The following CPQ variants were observed in gnomAD, a reference collection of about 807,000 sequenced individuals.
The protein encoded by CPQ is carboxypeptidase Q.
Under a neutral mutation model 45.7 loss-of-function variants are expected in CPQ, and 37 were observed. The ratio of observed to expected loss-of-function variants is 0.81; its 90% CI spans 0.62 to 1.07. CPQ has a LOEUF of 1.07. Ranked by LOEUF, CPQ falls within the 50% of genes least tolerant of loss-of-function variation. The pLI is 0.00. For missense variants in CPQ, 537 were observed against 572.9 expected (o/e 0.94, Z 0.64); for synonymous variants, 186 against 205.8 (o/e 0.90, Z 0.82).
At chr8:96,812,218 C>A (rs1469717908) in intron 2 of CPQ, among the ~76,000 whole-genome samples, 2 of 152,140 alleles carry the variant, frequency 1.3e-5, no homozygotes, top group Non-Finnish European at 2.9e-5. Context: ...TCAAATAAAA[C>A]CAGCATCATA....
intron 1 of CPQ, among the ~76,000 whole-genome samples, chr8:96,651,498 CATATCTTT>C (rs1373317090): frequency 1.3e-5 from 2 of 152,102 alleles, no homozygotes; most frequent in African/African-American, 4.8e-5. Flanking sequence ...TTTAAAAATG[CATATCTTT>C]AAAACATGTA....
intron 4 of CPQ, among the ~76,000 whole-genome samples, chr8:96,907,548 GTCTCTGCCA>G (rs1469203768): frequency 6.6e-6 from 1 of 152,168 alleles, no homozygotes; most frequent in Admixed American, 6.6e-5. Flanking sequence ...CTAACTAGCA[GTCTCTGCCA>G]TGGGAAGGTA....
intron 5 of CPQ, among the ~76,000 whole-genome samples, chr8:97,005,608 T>G (rs531799302): frequency 2.6e-5 from 4 of 152,240 alleles, no homozygotes; most frequent in African/African-American, 9.6e-5. Context: ...CAACTTCTCC[T>G]ACACTAACAT....
chr8:96,704,186 G>T (rs112957295), intron 1 of CPQ, among the ~76,000 whole-genome samples: 3,647 of 152,116 alleles, frequency 0.024, 160 homozygotes, highest in African/African-American at 0.083. Flanking sequence ...CCTTTGGCCC[G>T]GATTCTGATT....
At position 96,969,290 on chromosome 8, in the gene CPQ, G is replaced by A. The variant is rs144994023; in HGVS notation, c.961+3244G>A. ...TATGTCTTAGAAAAATATTTTATTGGTATGTTTCTTCATTCATTCACTCAA... is the reference window on the plus strand; with the variant it reads ...TATGTCTTAGAAAAATATTTTATTGATATGTTTCTTCATTCATTCACTCAA... On this transcript the variant is annotated intron_variant, in intron 5 of 7. Transcript: ENST00000220763. 4.5e-3 allele frequency among the ~76,000 whole-genome samples: 692 copies of A among 152,274 alleles called. 6 individuals carry two copies. The highest frequency in any genetic ancestry group is 0.016 in the African/African-American group (653 of 41,538).
At chr8:96,680,851 G>GGATGGA (rs1268481224) in intron 1 of CPQ, among the ~76,000 whole-genome samples, 15 of 152,110 alleles carry the variant, frequency 9.9e-5, no homozygotes, top group Admixed American at 2.6e-4. Flanking sequence ...AGGTGGTCTT[G>GGATGGA]GATGGAGATG....
At chr8:97,052,585 C>T (rs1021264947) in intron 6 of CPQ, among the ~76,000 whole-genome samples, 9 of 152,064 alleles carry the variant, frequency 5.9e-5, no homozygotes, top group Non-Finnish European at 7.4e-5. Context: ...TTGCTCATCT[C>T]CTTCTCCTCC....
intron 4 of CPQ, among the ~76,000 whole-genome samples, chr8:96,951,234 A>G (rs1813260106): frequency 6.6e-6 from 1 of 152,032 alleles, no homozygotes. Flanking sequence ...CTCAAATGTG[A>G]TATCAGGAAA....
intron 5 of CPQ, among the ~76,000 whole-genome samples, chr8:96,969,642 C>T (rs1275905026): frequency 6.6e-6 from 1 of 151,826 alleles, no homozygotes; most frequent in Non-Finnish European, 1.5e-5. Flanking sequence ...TTCTGTGTGT[C>T]ATTAAAAATG....
chr8:96,947,573 G>A (rs76410540), intron 4 of CPQ, among the ~76,000 whole-genome samples: 3,613 of 151,916 alleles, frequency 0.024, 94 homozygotes, highest in African/African-American at 0.066. Flanking sequence ...ATAAATTTTA[G>A]AATTGTGTTT....
intron 7 of CPQ, among the ~76,000 whole-genome samples, chr8:97,109,844 G>T (rs1048891604): frequency 6.6e-6 from 1 of 151,852 alleles, no homozygotes; most frequent in African/African-American, 2.4e-5. Context: ...CACATCCCCA[G>T]CTCCCTACCT....
At chr8:96,824,129 T>C (rs895190796) in intron 2 of CPQ, among the ~76,000 whole-genome samples, 22 of 152,156 alleles carry the variant, frequency 1.4e-4, no homozygotes, top group Non-Finnish European at 2.5e-4. Context: ...TATGGATGAA[T>C]AATCAGATGA....
rs189546183 is a variant in CPQ, at chr8:96,684,949, C to A, written c.-35+39547C>A. ...TCCATCTCTACTAAAAAAAAAAATA[C>A]AAAAATTAGCCAGGCATGGTGGCGC... On this transcript the variant is annotated intron_variant, in intron 1 of 7. Transcript: ENST00000220763. Among the ~76,000 whole-genome samples the A allele has an allele frequency of 1.3e-3, 191 of 151,334 alleles. 5 individuals are homozygous for A. In the East Asian group the frequency reaches 0.027, roughly 22 times the overall value.
intron 6 of CPQ, among the ~76,000 whole-genome samples, chr8:97,033,202 G>A (rs1809939014): frequency 6.6e-6 from 1 of 152,164 alleles, no homozygotes; most frequent in South Asian, 2.1e-4. Context: ...GAAATAAAAG[G>A]TGTGAACTTT....
Position 97,110,017 on chromosome 8 carries a change from TA to T in CPQ, c.1256-32999del, listed in dbSNP as rs1811474400. 5.3e-5 allele frequency among the ~76,000 whole-genome samples: 8 copies of T among 152,318 alleles called. No homozygotes were observed. The South Asian group carries it at 1.5e-3, about 28-fold the overall frequency. Reference sequence around the variant, plus strand: ...TTACTGAGATACAATTGACATATGGTAAAATGCACCCAGCTTGATGAGTTTG... The same window carrying T: ...TTACTGAGATACAATTGACATATGGTAAATGCACCCAGCTTGATGAGTTTG... On this transcript the variant is annotated intron_variant, in intron 7 of 7. Coordinates refer to ENST00000220763, the MANE Select transcript of CPQ (RefSeq NM_016134.4).
chr8:96,942,698 C>T lies in CPQ; in HGVS notation c.850-23237C>T, dbSNP rs1813139908. Reference sequence around the variant, plus strand: ...TGATTAAAATGTATATTCCTTTAAACACAAACAACAAAAACAAAAACATGT... The same window carrying T: ...TGATTAAAATGTATATTCCTTTAAATACAAACAACAAAAACAAAAACATGT... On this transcript the variant is annotated intron_variant, in intron 4 of 7. Transcript: ENST00000220763. Among the ~76,000 whole-genome samples the T allele has an allele frequency of 2.0e-5, 3 of 152,128 alleles. No homozygotes were observed. The South Asian group carries it at 6.2e-4, about 32-fold the overall frequency.
At chr8:96,850,918 A>G (rs1248848289) in intron 3 of CPQ, among the ~76,000 whole-genome samples, 1 of 152,126 alleles carries the variant, frequency 6.6e-6, no homozygotes, top group Non-Finnish European at 1.5e-5. Context: ...TTTATCTTTA[A>G]TTGGATTTAT....
intron 1 of CPQ, among the ~76,000 whole-genome samples, chr8:96,686,257 T>C (rs755486349): frequency 6.6e-6 from 1 of 152,076 alleles, no homozygotes; most frequent in Admixed American, 6.5e-5. Context: ...TAGACACTCT[T>C]GTCTTCAACT....
intron 1 of CPQ, among the ~76,000 whole-genome samples, chr8:96,763,085 C>A (rs1044895889): frequency 6.6e-6 from 1 of 152,122 alleles, no homozygotes; most frequent in Non-Finnish European, 1.5e-5. Flanking sequence ...GGTCTCTTCT[C>A]TCTGCCTGTC....
Sources: allele counts gnomAD v4.1 joint callset (sites outside exome capture counted in the v4.1 genomes callset), GRCh38; gene constraint gnomAD v4.1.1; transcripts MANE v1.5; gene names NCBI Gene and HGNC (gene_info 2026-07-23, HGNC 2026-07-21).